Variants in TRPM3 observed in about 807,000 individuals in gnomAD.
TRPM3 encodes the protein transient receptor potential cation channel subfamily M member 3.
In TRPM3, 77 loss-of-function variants were observed where a neutral mutation model predicts 181.2. The ratio of observed to expected loss-of-function variants is 0.42; its 90% confidence interval spans 0.35 to 0.51. The LOEUF is 0.51. Among genes scored for constraint, TRPM3 ranks in the 20% least tolerant of loss-of-function variants. The pLI is 0.01. For missense variants in TRPM3, 1,759 were observed against 2,196.7 expected (o/e 0.80, Z 3.98); for synonymous variants, 745 against 796.4 (o/e 0.94, Z 1.09).
chr9:70,996,951 A>G (rs1052078451), intron 1 of TRPM3, among the ~76,000 whole-genome samples: 17 of 152,260 alleles, frequency 1.1e-4, no homozygotes, highest in Admixed American at 6.5e-4. Context: ...AAACATGAAT[A>G]TATCCTTTTA....
Position 70,797,482 on chromosome 9 carries a change from T to C in TRPM3, c.974-13203A>G, listed in dbSNP as rs189960680. Reference sequence around the variant, plus strand: ...AAAAGCCCACTCCTTTAGTGTGATATACAAGACTCTCCTTGTTCTGCACCC... The same window carrying C: ...AAAAGCCCACTCCTTTAGTGTGATACACAAGACTCTCCTTGTTCTGCACCC... On this transcript the variant is annotated intron_variant, in intron 6 of 25. Coordinates refer to ENST00000677713, the MANE Select transcript of TRPM3 (RefSeq NM_001366145.2). 5.6e-4 allele frequency among the ~76,000 whole-genome samples: 85 copies of C among 152,312 alleles called. 1 individual carries two copies. Among genetic ancestry groups the C allele is most frequent in the Admixed American group, 1.3e-3 (20 of 15,294 alleles).
chr9:70,566,816 C>T (rs761426314), intron 22 of TRPM3, among the ~76,000 whole-genome samples: 10 of 152,124 alleles, frequency 6.6e-5, no homozygotes, highest in African/African-American at 9.7e-5. Flanking sequence ...AAATGGAGGG[C>T]GAAGGAAAAT....
intron 1 of TRPM3, among the ~76,000 whole-genome samples, chr9:71,239,076 A>AAAAC (rs746630672): frequency 6.6e-6 from 1 of 152,076 alleles, no homozygotes; most frequent in African/African-American, 2.4e-5. Flanking sequence ...AAGAAGGAAA[A>AAAAC]AAACAAACAA....
intron 8 of TRPM3, among the ~76,000 whole-genome samples, chr9:70,741,017 C>T (rs566714227): frequency 2.6e-5 from 4 of 152,272 alleles, no homozygotes; most frequent in African/African-American, 9.6e-5. Context: ...GCAGAGTAAA[C>T]AGACAACCCA....
At chr9:70,691,623 T>TCGA (rs1405703661) in intron 8 of TRPM3, among the ~76,000 whole-genome samples, 1 of 152,160 alleles carries the variant, frequency 6.6e-6, no homozygotes, top group East Asian at 1.9e-4. Flanking sequence ...CCTCCCACCG[T>TCGA]CATTTAAGAA....
At chr9:70,605,217 A>C (rs2060823752) in intron 19 of TRPM3, among the ~76,000 whole-genome samples, 1 of 152,014 alleles carries the variant, frequency 6.6e-6, no homozygotes, top group South Asian at 2.1e-4. Context: ...CGGCCTCCTA[A>C]AGTGCTGGGA....
intron 1 of TRPM3, among the ~76,000 whole-genome samples, chr9:71,186,821 T>C (rs1208347488): frequency 6.6e-6 from 1 of 152,076 alleles, no homozygotes; most frequent in Non-Finnish European, 1.5e-5. Flanking sequence ...GACTGATGCT[T>C]TGTACATGAA....
chr9:70,624,527 A>G (rs182430294), intron 14 of TRPM3, among the ~76,000 whole-genome samples: 7 of 152,328 alleles, frequency 4.6e-5, no homozygotes, highest in African/African-American at 1.7e-4. Flanking sequence ...ATTTTTAAGA[A>G]ACGTTACTTA....
At chr9:70,603,546 C>T in intron 19 of TRPM3, 76 bp from the exon 20 acceptor site, 3 of 1,534,906 alleles carry the variant, frequency 2.0e-6, no homozygotes, top group Non-Finnish European at 2.7e-6. Context: ...CACTGCACAG[C>T]AGCACAGAGC....
chr9:71,230,991 C>T (rs970303418), intron 1 of TRPM3, among the ~76,000 whole-genome samples: 4 of 152,146 alleles, frequency 2.6e-5, no homozygotes, highest in Non-Finnish European at 5.9e-5. Context: ...TTCAGAACCA[C>T]AATTTAACCA....
At chr9:71,248,316 G>A (rs1240877810) in intron 1 of TRPM3, among the ~76,000 whole-genome samples, 1 of 152,210 alleles carries the variant, frequency 6.6e-6, no homozygotes, top group Non-Finnish European at 1.5e-5. Context: ...AGACCCGAGG[G>A]AGTTGGCTGC....
intron 1 of TRPM3, among the ~76,000 whole-genome samples, chr9:71,012,322 AT>A (rs1477697343): frequency 1.3e-5 from 2 of 151,460 alleles, no homozygotes; most frequent in African/African-American, 4.8e-5. Context: ...ATGTGAGTTT[AT>A]TTTTTGATTT....
At chr9:71,115,482 G>A (rs531357528) in intron 1 of TRPM3, among the ~76,000 whole-genome samples, 1 of 152,272 alleles carries the variant, frequency 6.6e-6, no homozygotes, top group Admixed American at 6.5e-5. Context: ...TTTCATGCTA[G>A]ATAATGGAAA....
At chr9:71,194,805 G>GA (rs1023832439) in intron 1 of TRPM3, among the ~76,000 whole-genome samples, 31 of 142,956 alleles carry the variant, frequency 2.2e-4, no homozygotes, top group Middle Eastern at 3.6e-3. Flanking sequence ...ATTTTAAAAA[G>GA]AAAAAAAAAA....
chr9:71,123,867 T>C (rs1481855008), upstream of TRPM3, among the ~76,000 whole-genome samples: 4 of 152,124 alleles, frequency 2.6e-5, no homozygotes, highest in Admixed American at 2.0e-4. Flanking sequence ...AAAACTGCAA[T>C]TGCCTACCCC....
At chr9:71,032,973 G>C (rs770506281) in intron 1 of TRPM3, among the ~76,000 whole-genome samples, 18 of 152,062 alleles carry the variant, frequency 1.2e-4, no homozygotes, top group Non-Finnish European at 2.5e-4. Flanking sequence ...GCTTTACTTA[G>C]TGCCAATTAT....
intron 6 of TRPM3, among the ~76,000 whole-genome samples, chr9:70,794,609 C>A (rs571220722): frequency 6.6e-6 from 1 of 152,326 alleles, no homozygotes; most frequent in East Asian, 1.9e-4. Flanking sequence ...CTGTTTGCAT[C>A]TGGGCAGAAT....
chr9:71,359,196 G>A (rs1007708548), intron 1 of TRPM3, among the ~76,000 whole-genome samples: 6 of 152,156 alleles, frequency 3.9e-5, no homozygotes, highest in African/African-American at 1.4e-4. Context: ...TGAATGTGAG[G>A]TAATGAATCT....
intron 1 of TRPM3, among the ~76,000 whole-genome samples, chr9:71,094,857 C>T (rs2066859864): frequency 6.6e-6 from 1 of 152,096 alleles, no homozygotes; most frequent in Admixed American, 6.6e-5. Flanking sequence ...TCTATGATCA[C>T]AGAATACACA....
Sources: gnomAD v4.1 joint callset for allele counts (sites outside exome capture counted in the v4.1 genomes callset) on GRCh38, gnomAD v4.1.1 for gene constraint, MANE v1.5 for transcripts, NCBI Gene and HGNC (gene_info 2026-07-23, HGNC 2026-07-21) for gene names.